The following ETS1 variants were observed in gnomAD, a reference collection of about 807,000 sequenced individuals.
ETS1 encodes ETS proto-oncogene 1, transcription factor.
A neutral mutation model predicts 58.6 loss-of-function variants in ETS1; 15 were observed. The ratio of observed to expected loss-of-function variants is 0.26; its 90% CI spans 0.17 to 0.39. The LOEUF (loss-of-function observed/expected upper bound fraction) is 0.39, where lower values mean the gene tolerates loss of function less well. ETS1 is among the 10% of genes least tolerant of loss of function. The pLI is 1.00. For synonymous variants in ETS1, 214 were observed against 218.2 expected, an observed-to-expected ratio of 0.98 and a Z score of 0.17; for missense variants, 417 against 610.5, an observed-to-expected ratio of 0.68 and a Z score of 3.34.
chr11:128,469,355 T>G (rs914062691), intron 8 of ETS1, among the ~76,000 whole-genome samples: 3 of 152,208 alleles, frequency 2.0e-5, no homozygotes, highest in Non-Finnish European at 1.5e-5. Flanking sequence ...ACAGGCCTGC[T>G]GGCCCCTCCC....
chr11:128,507,621 A>T (rs1863277703), intron 3 of ETS1, among the ~76,000 whole-genome samples: 1 of 152,192 alleles, frequency 6.6e-6, no homozygotes, highest in Admixed American at 6.5e-5. Context: ...TCCTGCAGAC[A>T]TCTTCCTTAG....
rs117388937 is a variant in ETS1 at position 128,482,643 on chromosome 11, C to T, written c.862+2180G>A. ...GCGGTAGGCAGCTTTCATTTTAGCT[C>T]GATTTCACAACCCTGGTGCTGGGAA... On this transcript the variant is annotated intron_variant, in intron 7 of 9. Coordinates refer to ENST00000392668, the MANE Select transcript of ETS1 (RefSeq NM_001143820.2). Among the ~76,000 whole-genome samples, 9 of 152,218 alleles carry T rather than the reference C, an allele frequency of 5.9e-5. No homozygotes were observed. The East Asian group carries it at 1.3e-3, about 23-fold the overall frequency.
At chr11:128,570,441 C>T (rs571960442) in intron 2 of ETS1, among the ~76,000 whole-genome samples, 1 of 152,152 alleles carries the variant, frequency 6.6e-6, no homozygotes, top group African/African-American at 2.4e-5. Flanking sequence ...TGGGTTTCAT[C>T]ATGTTGGCCA....
At chr11:128,530,963 TAATTG>T (rs1042228098) in intron 3 of ETS1, among the ~76,000 whole-genome samples, 1 of 152,216 alleles carries the variant, frequency 6.6e-6, no homozygotes, top group Non-Finnish European at 1.5e-5. Context: ...TGTATTTGTC[TAATTG>T]AATTGAATTG....
At chr11:128,521,773 C>G in intron 3 of ETS1, 1 of 616,164 alleles carries the variant, frequency 1.6e-6, no homozygotes, top group Non-Finnish European at 2.7e-6. Context: ...CCTCGTCCTC[C>G]AGATCCAGCT....
intron 7 of ETS1, among the ~76,000 whole-genome samples, chr11:128,481,879 A>G (rs1213835030): frequency 6.6e-6 from 1 of 152,202 alleles, no homozygotes; most frequent in Non-Finnish European, 1.5e-5. Flanking sequence ...TACTTTTTGT[A>G]AAATCCACTG....
At chr11:128,523,973 GAGA>G (rs1291117171) in intron 3 of ETS1, among the ~76,000 whole-genome samples, 5 of 152,158 alleles carry the variant, frequency 3.3e-5, no homozygotes, top group Admixed American at 2.0e-4. Context: ...AATTCATCAG[GAGA>G]AGAAGTGAAC....
At chr11:128,555,251 C>T (rs1390466908) in intron 3 of ETS1, among the ~76,000 whole-genome samples, 4 of 152,266 alleles carry the variant, frequency 2.6e-5, no homozygotes, top group Admixed American at 1.3e-4. Flanking sequence ...CTGTTTATTC[C>T]TGATGAGCAA....
intron 5 of ETS1, among the ~76,000 whole-genome samples, chr11:128,488,649 A>G (rs1331537907): frequency 6.6e-6 from 1 of 152,198 alleles, no homozygotes; most frequent in African/African-American, 2.4e-5. Context: ...TGCTGTTTCT[A>G]TACTCAGCCA....
Position 128,489,265 on chromosome 11 carries a change from C to T in ETS1, c.535+25G>A, listed in dbSNP as rs779836937. 25 of 1,606,496 alleles carry T rather than the reference C, an allele frequency of 1.6e-5. 1 individual carries two copies. The highest frequency in any genetic ancestry group is 1.7e-4 in the Middle Eastern group (1 of 6,046). On this transcript the variant is annotated intron_variant, in intron 5 of 9. Transcript: ENST00000392668. The stretch of plus-strand genomic sequence containing the variant: ...TCACAGCAACCCCACATAACCTCCA[C>T]CTCTCTCTGTTTCCACATATTTACC...
intron 3 of ETS1, among the ~76,000 whole-genome samples, chr11:128,520,107 T>C (rs1344774375): frequency 6.6e-5 from 10 of 152,362 alleles, no homozygotes; most frequent in African/African-American, 2.2e-4. Context: ...TAATGGACGC[T>C]GACTGTAGCG....
intron 3 of ETS1, among the ~76,000 whole-genome samples, chr11:128,521,241 G>A (rs907541292): frequency 1.3e-5 from 2 of 152,176 alleles, no homozygotes; most frequent in Admixed American, 1.3e-4. Flanking sequence ...TTGGGTGTTT[G>A]ATGCTTTCCT....
chr11:128,565,758 T>G (rs1221591627), intron 2 of ETS1, among the ~76,000 whole-genome samples: 1 of 152,214 alleles, frequency 6.6e-6, no homozygotes, highest in Non-Finnish European at 1.5e-5. Context: ...CACTTTGGTT[T>G]TAAATTTCTT....
chr11:128,533,671 C>A (rs1186504148), intron 3 of ETS1, among the ~76,000 whole-genome samples: 1 of 152,198 alleles, frequency 6.6e-6, no homozygotes, highest in Non-Finnish European at 1.5e-5. Flanking sequence ...CAGTAAATCA[C>A]CTCCCCCATG....
At chr11:128,508,734 C>T (rs1327654656) in intron 3 of ETS1, among the ~76,000 whole-genome samples, 2 of 152,132 alleles carry the variant, frequency 1.3e-5, no homozygotes, top group Non-Finnish European at 2.9e-5. Context: ...CTAAATAAGG[C>T]GAATTTCATT....
At chr11:128,531,093 T>G (rs993900649) in intron 3 of ETS1, among the ~76,000 whole-genome samples, 2 of 152,226 alleles carry the variant, frequency 1.3e-5, no homozygotes, top group Non-Finnish European at 2.9e-5. Context: ...AGGCTTTGGT[T>G]TCCTCACTAT....
chr11:128,465,556 G>T (rs913976194), intron 8 of ETS1, among the ~76,000 whole-genome samples: 1 of 152,084 alleles, frequency 6.6e-6, no homozygotes, highest in East Asian at 1.9e-4. Flanking sequence ...ACAGCAAATC[G>T]CTCTCAAGAA....
chr11:128,579,897 T>C (rs963941862), intron 1 of ETS1, among the ~76,000 whole-genome samples: 1 of 152,070 alleles, frequency 6.6e-6, no homozygotes, highest in Non-Finnish European at 1.5e-5. Flanking sequence ...CTACCCTCTT[T>C]GGCAATTGCA....
At chr11:128,584,205 A>G (rs11221366) in intron 1 of ETS1, among the ~76,000 whole-genome samples, 11,250 of 152,288 alleles carry the variant, frequency 0.074, 624 homozygotes, top group South Asian at 0.14. Flanking sequence ...CAGTATCTTC[A>G]TAACAATGAA....
Sources: gnomAD v4.1 joint callset for allele counts (sites outside exome capture counted in the v4.1 genomes callset) on GRCh38, gnomAD v4.1.1 for gene constraint, MANE v1.5 for transcripts, NCBI Gene and HGNC (gene_info 2026-07-23, HGNC 2026-07-21) for gene names.